CDH4: variants seen among roughly 807,000 people sequenced by gnomAD.
CDH4 encodes cadherin-4.
CDH4 carries 33 observed loss-of-function variants against 86.0 expected under a neutral mutation model. That is an observed-to-expected ratio of 0.38 (90% CI 0.29 to 0.51). The LOEUF (loss-of-function observed/expected upper bound fraction) is 0.51, where lower values mean the gene tolerates loss of function less well. Ranked by LOEUF, CDH4 falls within the 20% of genes least tolerant of loss-of-function variation. The pLI, the probability that CDH4 is intolerant of heterozygous loss-of-function variation, is 0.86. For synonymous variants in CDH4, 555 were observed against 549.4 expected, an observed-to-expected ratio of 1.01 and a Z score of -0.14; for missense variants, 1,114 against 1,307.4, an observed-to-expected ratio of 0.85 and a Z score of 2.28.
intron 2 of CDH4, among the ~76,000 whole-genome samples, chr20:61,333,840 C>T (rs2084600439): frequency 6.6e-6 from 1 of 152,258 alleles, no homozygotes; most frequent in Non-Finnish European, 1.5e-5. Flanking sequence ...TCTGGTGCCA[C>T]CGTTAGCACA....
intron 7 of CDH4, among the ~76,000 whole-genome samples, chr20:61,883,714 G>A (rs2146169607): frequency 6.6e-6 from 1 of 152,226 alleles, no homozygotes; most frequent in Middle Eastern, 3.4e-3. Flanking sequence ...AGGGGTGGGG[G>A]GCCAAGAGAG....
rs2085844882 is a variant in CDH4, at chr20:61,518,751, A to G, written c.170-224812A>G. The stretch of plus-strand genomic sequence containing the variant: ...CCACCCATCATCCATTCATCCATCC[A>G]TTCGTACATCCACCCATCATCCATC... On this transcript the variant is annotated intron_variant, in intron 2 of 15. Coordinates refer to ENST00000614565, the MANE Select transcript of CDH4 (RefSeq NM_001794.5). The surrounding 1 kb of genome is among the most constrained non-coding windows in gnomAD (Gnocchi z 6.3). 3.3e-5 allele frequency among the ~76,000 whole-genome samples: 5 copies of G among 149,316 alleles called. No homozygotes were observed. The highest frequency in any genetic ancestry group is 3.3e-4 in the Admixed American group (5 of 15,002).
At chr20:61,565,261 T>TCGC (rs1568688737) in intron 2 of CDH4, among the ~76,000 whole-genome samples, 2 of 80,400 alleles carry the variant, frequency 2.5e-5, no homozygotes, top group Admixed American at 1.3e-4. Context: ...TTGGTGATGG[T>TCGC]GGTGGTGGTC....
rs2145862142 is a variant in CDH4 at position 61,684,142 on chromosome 20, T to G, written c.170-59421T>G. On this transcript the variant is annotated intron_variant, in intron 2 of 15. Transcript: ENST00000614565. The surrounding 1 kb of genome is among the most constrained non-coding windows in gnomAD (Gnocchi z 4.5). ...GATTGCAGTGGCATCGGACAAAGCC[T>G]CTGCCCTCTGGATGCCAAACATTCT... Among the ~76,000 whole-genome samples, 1 of 152,354 alleles carries G rather than the reference T, an allele frequency of 6.6e-6. No homozygotes were observed. The highest frequency in any genetic ancestry group is 1.5e-5 in the Non-Finnish European group (1 of 68,034).
intron 7 of CDH4, among the ~76,000 whole-genome samples, chr20:61,891,090 C>T (rs1600742513): frequency 2.0e-5 from 3 of 152,016 alleles, no homozygotes; most frequent in African/African-American, 7.3e-5. Flanking sequence ...ACAACACACC[C>T]GCAAGCACAG....
At chr20:61,404,117 T>A (rs2085065747) in intron 2 of CDH4, among the ~76,000 whole-genome samples, 1 of 135,376 alleles carries the variant, frequency 7.4e-6, no homozygotes, top group South Asian at 2.2e-4. Flanking sequence ...ACTGGGCAGG[T>A]GCAGCTGAGC....
chr20:61,806,211 A>G (rs1980118449), intron 4 of CDH4, among the ~76,000 whole-genome samples: 1 of 152,238 alleles, frequency 6.6e-6, no homozygotes, highest in African/African-American at 2.4e-5. Flanking sequence ...GCGTCTTCCC[A>G]GATGTCAGAG....
chr20:61,849,832 C>T (rs1472134674), intron 5 of CDH4, among the ~76,000 whole-genome samples: 1 of 152,184 alleles, frequency 6.6e-6, no homozygotes, highest in East Asian at 1.9e-4. Context: ...GGCGTCCACC[C>T]AGCCCTGTCT....
At chr20:61,605,498 CAT>C (rs769955964) in intron 2 of CDH4, among the ~76,000 whole-genome samples, 3,689 of 150,812 alleles carry the variant, frequency 0.024, 128 homozygotes, top group East Asian at 0.16. Context: ...TCTCTCCCCC[CAT>C]GTCTCTCCCT....
chr20:61,688,637 G>T (rs1277625746), intron 2 of CDH4, among the ~76,000 whole-genome samples: 1 of 152,218 alleles, frequency 6.6e-6, no homozygotes, highest in Non-Finnish European at 1.5e-5. Context: ...ACAGAGCCCA[G>T]GCTCCCTGAC....
At position 61,887,015 on chromosome 20, in the gene CDH4, C is replaced by T. The variant is rs549146165; in HGVS notation, c.1051-7895C>T. Among the ~76,000 whole-genome samples, 4 of 152,320 alleles carry T rather than the reference C, an allele frequency of 2.6e-5. 1 individual carries two copies. The highest frequency in any genetic ancestry group is 3.9e-4 in the East Asian group (2 of 5,188). ...ACCTCCAGCCAAGCCAGCCCAGGCC[C>T]GCTACATGCAGATCAGCCACGTCTG... On this transcript the variant is annotated intron_variant, in intron 7 of 15. Coordinates refer to ENST00000614565, the MANE Select transcript of CDH4 (RefSeq NM_001794.5).
intron 2 of CDH4, among the ~76,000 whole-genome samples, chr20:61,688,369 C>G (rs2087612377): frequency 6.6e-6 from 1 of 152,146 alleles, no homozygotes; most frequent in Non-Finnish European, 1.5e-5. Flanking sequence ...CACCCACCAC[C>G]CAGTGCCTCA....
rs1555828911 is a variant in CDH4 at position 61,714,021 on chromosome 20, T to TTTTATTTTATTTTA, written c.170-29539_170-29538insATTTTATTTTATTT. Among the ~76,000 whole-genome samples the TTTTATTTTATTTTA allele has an allele frequency of 2.9e-5, 4 of 135,894 alleles. 1 individual carries two copies. The highest frequency in any genetic ancestry group is 1.2e-4 in the African/African-American group (4 of 33,682). The allele number at this position is 135,894 out of a possible 152,430, so 89.2% of individuals were successfully genotyped here. On this transcript the variant is annotated intron_variant, in intron 2 of 15. Transcript: ENST00000614565. ...CTGTCTTAGTCCATTGTCTATTCTTTTTTTATTTTATTTTATTTTATTTTA... is the reference window on the plus strand; with the variant it reads ...CTGTCTTAGTCCATTGTCTATTCTTTTTTATTTTATTTTATTTTATTTTATTTTATTTTATTTTA...
intron 2 of CDH4, among the ~76,000 whole-genome samples, chr20:61,733,351 C>A (rs2088219323): frequency 6.6e-6 from 1 of 152,128 alleles, no homozygotes; most frequent in South Asian, 2.1e-4. Flanking sequence ...CCACTCACAG[C>A]CGCCGCTCCC....
At chr20:61,788,251 G>A (rs1362747922) in intron 4 of CDH4, among the ~76,000 whole-genome samples, 1 of 152,180 alleles carries the variant, frequency 6.6e-6, no homozygotes, top group Non-Finnish European at 1.5e-5. Flanking sequence ...TCATGAGCAT[G>A]GGGTCGCGGA....
chr20:61,453,508 C>T (rs897691406), intron 2 of CDH4, among the ~76,000 whole-genome samples: 3 of 152,092 alleles, frequency 2.0e-5, no homozygotes, highest in Admixed American at 2.0e-4. Flanking sequence ...TTCTTAGGTC[C>T]TCAGGAGTAA....
chr20:61,787,221 T>C (rs1023196389), intron 4 of CDH4, among the ~76,000 whole-genome samples: 1 of 152,064 alleles, frequency 6.6e-6, no homozygotes, highest in East Asian at 1.9e-4. Flanking sequence ...CTGTTGGTTC[T>C]CACGCTGCTA....
At chr20:61,520,824 G>A (rs2085863598) in intron 2 of CDH4, among the ~76,000 whole-genome samples, 2 of 152,212 alleles carry the variant, frequency 1.3e-5, no homozygotes, top group African/African-American at 4.8e-5. Context: ...TGTTGGGAAA[G>A]CAGGATTATA....
chr20:61,830,204 CAG>C (rs948094690), intron 4 of CDH4, among the ~76,000 whole-genome samples: 6 of 151,586 alleles, frequency 4.0e-5, no homozygotes, highest in African/African-American at 1.5e-4. Flanking sequence ...TCTCACTAGA[CAG>C]AGGCTCCGAG....
Sources: gnomAD v4.1 joint callset for allele counts (sites outside exome capture counted in the v4.1 genomes callset) on GRCh38, gnomAD v4.1.1 for gene constraint, Gnocchi (gnomAD v3.1) non-coding constraint, MANE v1.5 for transcripts, NCBI Gene and HGNC (gene_info 2026-07-23, HGNC 2026-07-21) for gene names.